Variants in CALB2 observed in about 807,000 individuals in gnomAD.
CALB2 encodes the protein calretinin.
In CALB2, 34 loss-of-function variants were observed where a neutral mutation model predicts 45.9. The observed-to-expected ratio is 0.74, with a 90% CI of 0.56 to 0.99. The LOEUF (loss-of-function observed/expected upper bound fraction) is 0.99. Among genes scored for constraint, CALB2 ranks in the 50% least tolerant of loss-of-function variants. The pLI, the probability that CALB2 is intolerant of heterozygous loss-of-function variation, is 0.00. For synonymous variants in CALB2, 142 were observed against 129.6 expected (o/e 1.10, Z -0.65); for missense variants, 344 against 339.3 (o/e 1.01, Z -0.11).
At chr16:71,364,183 G>A (rs1012436573) in intron 1 of CALB2, among the ~76,000 whole-genome samples, 7 of 152,176 alleles carry the variant, frequency 4.6e-5, no homozygotes, top group African/African-American at 7.2e-5. Context: ...TGCACCAGCC[G>A]GCAGCGGGGA....
At chr16:71,362,331 C>T (rs900883421) in intron 1 of CALB2, among the ~76,000 whole-genome samples, 1 of 152,170 alleles carries the variant, frequency 6.6e-6, no homozygotes, top group Admixed American at 6.5e-5. Flanking sequence ...TTTTGCTACC[C>T]CTTTGAAAGC....
rs555294107 is a variant in CALB2, at chr16:71,385,377, C to T, written c.628-200C>T. The T allele has an allele frequency of 2.7e-5, 13 of 478,206 alleles. No individual in the cohort carries two copies. The South Asian group carries it at 4.6e-4, about 17-fold the overall frequency. 29.6% of individuals were successfully genotyped at this position (478,206 alleles called of 1,614,324 possible). ...GAAAAGCACCACAATGAAAGGCTAC[C>T]CAAAGCTTGCACCCACTGCCACCTT... On this transcript the variant is annotated intron_variant, in intron 9 of 10. Coordinates refer to ENST00000302628, the MANE Select transcript of CALB2 (RefSeq NM_001740.5).
intron 2 of CALB2, among the ~76,000 whole-genome samples, chr16:71,373,654 A>G (rs1021230263): frequency 1.3e-5 from 2 of 152,162 alleles, no homozygotes; most frequent in African/African-American, 4.8e-5. Flanking sequence ...CCTTGGAAGC[A>G]AAAGCCATGA....
At chr16:71,360,221 C>T (rs2042224823) in intron 1 of CALB2, among the ~76,000 whole-genome samples, 1 of 152,092 alleles carries the variant, frequency 6.6e-6, no homozygotes, top group African/African-American at 2.4e-5. Flanking sequence ...GATCCTCTGC[C>T]CAGAGTGCTA....
At chr16:71,381,431 A>T (rs2042490470) in intron 4 of CALB2, among the ~76,000 whole-genome samples, 1 of 150,990 alleles carries the variant, frequency 6.6e-6, no homozygotes. Context: ...AAAAATCAGG[A>T]CCAAAATTTC....
At chr16:71,371,820 C>T (rs1178859925) in intron 1 of CALB2, among the ~76,000 whole-genome samples, 1 of 152,226 alleles carries the variant, frequency 6.6e-6, no homozygotes, top group East Asian at 1.9e-4. Flanking sequence ...GGTCCCGCCA[C>T]TTGCTGATGA....
intron 1 of CALB2, among the ~76,000 whole-genome samples, chr16:71,364,945 TCCGA>T (rs1429028812): frequency 6.6e-6 from 1 of 152,120 alleles, no homozygotes; most frequent in African/African-American, 2.4e-5. Flanking sequence ...TCCTTCCCCC[TCCGA>T]TTCCTCCTTT....
At chr16:71,381,783 G>A (rs1267571648) in intron 4 of CALB2, among the ~76,000 whole-genome samples, 1 of 152,054 alleles carries the variant, frequency 6.6e-6, no homozygotes, top group Non-Finnish European at 1.5e-5. Flanking sequence ...GGAGGCTGAG[G>A]TAGGAGGATC....
chr16:71,389,901 A>C lies in CALB2; in HGVS notation c.*36A>C. 2.1e-6 allele frequency: 3 copies of C among 1,463,266 alleles called. No individual in the cohort carries two copies. Among genetic ancestry groups the C allele is most frequent in the Non-Finnish European group, 1.9e-6 (2 of 1,046,878 alleles). The allele number at this position is 1,463,266 out of a possible 1,614,324, so 90.6% of individuals were successfully genotyped here. A position where few individuals can be genotyped will look rare whatever the true frequency, so the allele number is the denominator to read the frequency against. ...GGGGCTGCTTCTCCACCTCCCCCAAACCCTGCTTCTGCTGCCCTGATGCGT... is the reference window on the plus strand; with the variant it reads ...GGGGCTGCTTCTCCACCTCCCCCAACCCCTGCTTCTGCTGCCCTGATGCGT... On this transcript the variant is annotated 3_prime_UTR_variant, in exon 11 of 11. Transcript: ENST00000302628.
intron 3 of CALB2, 65 bp from the exon 4 acceptor site, chr16:71,377,602 A>G: frequency 8.6e-7 from 1 of 1,161,998 alleles, no homozygotes; most frequent in East Asian, 2.4e-5. Flanking sequence ...TTCTTAGGGG[A>G]AAATCTGCTC....
rs200527047 is a variant in CALB2, at chr16:71,383,401, G to T, written c.434G>T (p.Arg145Leu). 3.7e-6 allele frequency: 6 copies of T among 1,614,092 alleles called. No individual in the cohort carries two copies. The East Asian group carries it at 6.7e-5, about 18-fold the overall frequency. ...TCAGACCTGCTGAAGAAGGCGAACCGGCCGTACGATGAGCCCAAGCTCCAG... is the reference window on the plus strand; with the variant it reads ...TCAGACCTGCTGAAGAAGGCGAACCTGCCGTACGATGAGCCCAAGCTCCAG... Reference protein sequence around the residue: ...FLSDLLKKANRPYDEPKLQEY... With the variant: ...FLSDLLKKANLPYDEPKLQEY... Residue 145 changes from arginine (R) to leucine (L), a missense_variant, in exon 6 of 11, where the codon CGG becomes CTG. Physicochemically the swap from Arg to Leu is moderately radical, Grantham distance 102. This residue lies in a region of CALB2 where 263 missense variants were observed against 241.7 expected (regional missense o/e 1.09). Coordinates refer to ENST00000302628, the MANE Select transcript of CALB2 (RefSeq NM_001740.5).
At chr16:71,361,211 C>G (rs1343218092) in intron 1 of CALB2, among the ~76,000 whole-genome samples, 4 of 152,166 alleles carry the variant, frequency 2.6e-5, no homozygotes, top group Admixed American at 2.6e-4. Context: ...CAGGGAAGTC[C>G]CAAGGAAAGG....
chr16:71,388,339 AAAAAAAAAAAAAGAAAAAGAAAAAG>A (rs1288816766), intron 10 of CALB2, among the ~76,000 whole-genome samples: 5 of 127,110 alleles, frequency 3.9e-5, no homozygotes, highest in Non-Finnish European at 5.4e-5. Context: ...TATCTCAAAA[AAAAAAAAAAAAAGAAAAAGAAAAAG>A]AAAAAGAAAA....
rs927314513 is a variant in CALB2, at chr16:71,389,900, A to C, written c.*35A>C. 3.4e-6 allele frequency: 5 copies of C among 1,478,364 alleles called. No individual in the cohort carries two copies. Among genetic ancestry groups the C allele is most frequent in the Non-Finnish European group, 3.8e-6 (4 of 1,060,342 alleles). The allele number at this position is 1,478,364 out of a possible 1,614,324, so 91.6% of individuals were successfully genotyped here. On this transcript the variant is annotated 3_prime_UTR_variant, in exon 11 of 11. Coordinates refer to ENST00000302628, the MANE Select transcript of CALB2 (RefSeq NM_001740.5). ...GGGGGCTGCTTCTCCACCTCCCCCA[A>C]ACCCTGCTTCTGCTGCCCTGATGCG...
intron 10 of CALB2, among the ~76,000 whole-genome samples, chr16:71,388,153 T>G (rs1207203909): frequency 6.6e-6 from 1 of 150,842 alleles, no homozygotes; most frequent in Non-Finnish European, 1.5e-5. Context: ...TTTAAGTATC[T>G]GCTAACATTT....
Position 71,377,764 on chromosome 16 carries a change from AC to A in CALB2, c.342+19del, listed in dbSNP as rs750440280. 1 of 1,599,368 alleles carries A rather than the reference AC, an allele frequency of 6.3e-7. No individual in the cohort carries two copies. Among genetic ancestry groups the A allele is most frequent in the East Asian group, 2.2e-5 (1 of 44,806 alleles). On this transcript the variant is annotated intron_variant, in intron 4 of 10. Coordinates refer to ENST00000302628, the MANE Select transcript of CALB2 (RefSeq NM_001740.5). ...TTTATGGAGGTGAGGCCAAGGCACC[AC>A]CTTCTTTCTAAGCACTGGGACCTGC...
At chr16:71,381,235 C>T (rs2042488063) in intron 4 of CALB2, among the ~76,000 whole-genome samples, 1 of 152,176 alleles carries the variant, frequency 6.6e-6, no homozygotes, top group African/African-American at 2.4e-5. Flanking sequence ...GAAATCCTCA[C>T]ATATATTTTA....
At chr16:71,368,504 C>A (rs1344719672) in intron 1 of CALB2, among the ~76,000 whole-genome samples, 1 of 146,198 alleles carries the variant, frequency 6.8e-6, no homozygotes, top group Admixed American at 6.6e-5. Context: ...CAGACCCTGT[C>A]TAAAAATAAA....
chr16:71,384,262 C>A, intron 7 of CALB2, 77 bp from the exon 8 acceptor site: 2 of 1,233,486 alleles, frequency 1.6e-6, no homozygotes, highest in Non-Finnish European at 1.2e-6. Context: ...ACTGCAGGCA[C>A]CGCCTCTGCC....
Sources: gnomAD v4.1 joint callset for allele counts (sites outside exome capture counted in the v4.1 genomes callset) on GRCh38, gnomAD v4.1.1 for gene constraint, gnomAD v4.1.1 regional missense constraint, MANE v1.5 for transcripts, NCBI Gene and HGNC (gene_info 2026-07-23, HGNC 2026-07-21) for gene names.